MMP26: variants seen among roughly 807,000 people sequenced by gnomAD.
MMP26 encodes matrix metalloproteinase-26.
Under a neutral mutation model 31.0 loss-of-function variants are expected in MMP26, and 33 were observed. The observed-to-expected ratio is 1.06, with a 90% confidence interval of 0.81 to 1.42. MMP26 has a LOEUF of 1.42. Ranked by LOEUF, MMP26 falls within the 40% of genes most tolerant of loss-of-function variation. The pLI is 0.00. For missense variants in MMP26, 347 were observed against 316.1 expected (o/e 1.10, Z -0.74); for synonymous variants, 122 against 114.9 (o/e 1.06, Z -0.40).
intron 2 of MMP26, among the ~76,000 whole-genome samples, chr11:4,777,939 T>G (rs1564907423): frequency 6.6e-6 from 1 of 152,124 alleles, no homozygotes; most frequent in Non-Finnish European, 1.5e-5. Flanking sequence ...ATGCATAACA[T>G]ATGCATACCT....
chr11:4,726,758 G>A (rs931413223), intron 1 of MMP26, among the ~76,000 whole-genome samples: 1 of 152,198 alleles, frequency 6.6e-6, no homozygotes, highest in Non-Finnish European at 1.5e-5. Flanking sequence ...TGTAATCCCA[G>A]CACTTTGGGA....
At chr11:4,772,191 A>T (rs1310158853) in intron 2 of MMP26, among the ~76,000 whole-genome samples, 1 of 152,202 alleles carries the variant, frequency 6.6e-6, no homozygotes, top group Admixed American at 6.5e-5. Context: ...AGAGGGTTTT[A>T]GTTACTAATC....
intron 2 of MMP26, chr11:4,804,622 G>T: frequency 1.5e-6 from 1 of 683,748 alleles, no homozygotes. Flanking sequence ...GAACATACTA[G>T]TTGCATGTGT....
rs554592885 is a variant in MMP26 at position 4,938,855 on chromosome 11, A to T, written c.-144-49213A>T. Among the ~76,000 whole-genome samples, 5 of 152,004 alleles carry T rather than the reference A, an allele frequency of 3.3e-5. No individual in the cohort carries two copies. In the South Asian group the frequency reaches 6.2e-4, roughly 19 times the overall value. On this transcript the variant is annotated intron_variant, in intron 2 of 7. Transcript: ENST00000380390. ...GATCTTAGGGTTTAAAAATAAAAAA[A>T]CCTTTAGAAAATATGTAGTCTTACC...
chr11:4,908,255 C>T (rs754596163), intron 2 of MMP26: 21 of 1,614,000 alleles, frequency 1.3e-5, no homozygotes, highest in South Asian at 2.2e-5. Context: ...TGTAAAGACT[C>T]GACAAATCTG....
At chr11:4,955,039 A>G (rs1410494018) in intron 2 of MMP26, 1 of 1,451,334 alleles carries the variant, frequency 6.9e-7, no homozygotes, top group Admixed American at 2.1e-5. Context: ...TTCCCGGTAC[A>G]GTCTTGAGGA....
intron 2 of MMP26, among the ~76,000 whole-genome samples, chr11:4,881,179 C>T (rs1056007114): frequency 2.6e-5 from 4 of 152,258 alleles, no homozygotes; most frequent in African/African-American, 9.6e-5. Flanking sequence ...AGAGAGAAAG[C>T]CCTCTGCTTC....
At chr11:4,890,525 A>G (rs1452169818) in intron 2 of MMP26, 1 of 152,970 alleles carries the variant, frequency 6.5e-6, no homozygotes, top group African/African-American at 2.4e-5. Context: ...ATATATGGGC[A>G]TGCTCCAGCC....
intron 3 of MMP26, 37 bp from the exon 4 acceptor site, chr11:4,989,611 T>C: frequency 3.2e-6 from 5 of 1,550,720 alleles, no homozygotes; most frequent in East Asian, 2.3e-5. Flanking sequence ...GTCTTCCCTA[T>C]TGACTCTTAG....
intron 2 of MMP26, among the ~76,000 whole-genome samples, chr11:4,895,817 C>G (rs915925594): frequency 1.3e-5 from 2 of 152,162 alleles, no homozygotes; most frequent in Non-Finnish European, 2.9e-5. Flanking sequence ...ATAGTCCTAG[C>G]TACTCAGGAG....
chr11:4,955,769 T>A, intron 2 of MMP26: 1 of 1,500,886 alleles, frequency 6.7e-7, no homozygotes, highest in African/African-American at 1.4e-5. Flanking sequence ...CCTCAGGTGA[T>A]CCGCTTGCTT....
intron 1 of MMP26, among the ~76,000 whole-genome samples, chr11:4,715,782 G>A (rs1847922058): frequency 6.6e-6 from 1 of 152,156 alleles, no homozygotes; most frequent in Non-Finnish European, 1.5e-5. Flanking sequence ...TGGTGTACTT[G>A]TCCTGAGCAA....
intron 2 of MMP26, among the ~76,000 whole-genome samples, chr11:4,906,422 T>A (rs1219596955): frequency 1.3e-5 from 2 of 152,180 alleles, no homozygotes; most frequent in East Asian, 1.9e-4. Context: ...TAAAATCAAA[T>A]GAAAGGGCAA....
chr11:4,800,897 C>T (rs1849172226), intron 2 of MMP26, among the ~76,000 whole-genome samples: 1 of 132,508 alleles, frequency 7.5e-6, no homozygotes, highest in Admixed American at 7.0e-5. Flanking sequence ...AGGACATGGA[C>T]ACAATGCAGC....
At chr11:4,729,697 T>C (rs1848147460) in intron 1 of MMP26, among the ~76,000 whole-genome samples, 1 of 152,130 alleles carries the variant, frequency 6.6e-6, no homozygotes, top group Non-Finnish European at 1.5e-5. Context: ...ATATATTTAA[T>C]GACTTCATGA....
chr11:4,904,388 T>A (rs1850851130), intron 2 of MMP26, among the ~76,000 whole-genome samples: 1 of 152,152 alleles, frequency 6.6e-6, no homozygotes, highest in Non-Finnish European at 1.5e-5. Flanking sequence ...ATATTTTACC[T>A]GAGGACTGCC....
At chr11:4,925,303 C>T (rs1486645185) in intron 2 of MMP26, among the ~76,000 whole-genome samples, 3 of 152,072 alleles carry the variant, frequency 2.0e-5, no homozygotes, top group Non-Finnish European at 4.4e-5. Context: ...TACTATTGCA[C>T]AGTACTTTAG....
intron 2 of MMP26, among the ~76,000 whole-genome samples, chr11:4,984,394 G>A (rs929907828): frequency 2.0e-5 from 3 of 152,178 alleles, no homozygotes; most frequent in Non-Finnish European, 2.9e-5. Context: ...TTGGCACAGC[G>A]TATGCGCTCA....
chr11:4,814,375 G>T (rs984831861), intron 2 of MMP26, among the ~76,000 whole-genome samples: 2 of 152,086 alleles, frequency 1.3e-5, no homozygotes, highest in East Asian at 1.9e-4. Flanking sequence ...AAACAAAATT[G>T]GCCTCACTTA....
Sources: allele counts gnomAD v4.1 joint callset (sites outside exome capture counted in the v4.1 genomes callset), GRCh38; gene constraint gnomAD v4.1.1; transcripts MANE v1.5; gene names NCBI Gene and HGNC (gene_info 2026-07-23, HGNC 2026-07-21).